MYO1B: variants seen among roughly 807,000 people sequenced by gnomAD.
MYO1B encodes the protein unconventional myosin-Ib.
In MYO1B, 72 loss-of-function variants were observed where a neutral mutation model predicts 159.7. That is an observed-to-expected ratio of 0.45 (90% CI 0.37 to 0.55). The LOEUF is 0.55. Ranked by LOEUF, MYO1B falls within the 20% of genes least tolerant of loss-of-function variation. The pLI is 0.00. For synonymous variants in MYO1B, 468 were observed against 473.8 expected (o/e 0.99, Z 0.16); for missense variants, 1,062 against 1,364.8 (o/e 0.78, Z 3.50).
chr2:191,390,346 G>T lies in MYO1B; in HGVS notation c.1836G>T (p.Val612=). ...KAAHIFNEAL[V]CHQIRYLGLL... ...CACACATCTTCAACGAGGCTCTAGT[G>T]TGTCATCAGATCAGGTACCTGGGGC... The change falls in exon 18 of 31, where the codon GTG becomes GTT. Residue 612 remains valine (V), a synonymous_variant. Coordinates refer to ENST00000392318, the MANE Select transcript of MYO1B (RefSeq NM_001130158.3). The T allele has an allele frequency of 6.2e-7, 1 of 1,614,280 alleles. No homozygotes were observed.
At chr2:191,253,875 A>C (rs1446303946) in intron 1 of MYO1B, among the ~76,000 whole-genome samples, 1 of 152,196 alleles carries the variant, frequency 6.6e-6, no homozygotes, top group Non-Finnish European at 1.5e-5. Context: ...TCCCATCCAC[A>C]AACCTCATAA....
chr2:191,263,833 T>C (rs1292095171), intron 1 of MYO1B: 2 of 152,186 alleles, frequency 1.3e-5, no homozygotes, highest in East Asian at 3.8e-4. Flanking sequence ...CTGTAGAATA[T>C]TTGGAAATTA....
chr2:191,246,835 C>T lies in MYO1B; in HGVS notation c.-10+1209C>T, dbSNP rs561969604. ...CACAATTGAAAAACCCTTTTACAGT[C>T]TGTCCCAGGAAACACACCACACACA... On this transcript the variant is annotated intron_variant, in intron 1 of 30. Coordinates refer to ENST00000392318, the MANE Select transcript of MYO1B (RefSeq NM_001130158.3). Among the ~76,000 whole-genome samples the T allele has an allele frequency of 1.9e-4, 29 of 152,330 alleles. No homozygotes were observed. In the South Asian group the frequency reaches 4.4e-3, roughly 23 times the overall value.
chr2:191,363,630 T>A, intron 9 of MYO1B, 98 bp from the exon 10 acceptor site: 1 of 1,428,978 alleles, frequency 7.0e-7, no homozygotes, highest in Non-Finnish European at 9.3e-7. Context: ...CTTTTATGGG[T>A]TTTTTTCCCC....
chr2:191,344,815 G>A (rs1692457522), intron 5 of MYO1B, among the ~76,000 whole-genome samples: 1 of 118,578 alleles, frequency 8.4e-6, no homozygotes, highest in South Asian at 3.1e-4. Context: ...GGGCGACAGA[G>A]CGAGACTCCG....
intron 30 of MYO1B, among the ~76,000 whole-genome samples, chr2:191,422,128 T>A (rs551015010): frequency 2.4e-4 from 36 of 152,292 alleles, no homozygotes; most frequent in African/African-American, 7.9e-4. Flanking sequence ...CTCACATCGC[T>A]GGGGGATGTC....
At chr2:191,402,412 ATTGTCCTTCTC>A in intron 23 of MYO1B, 1 of 552,666 alleles carries the variant, frequency 1.8e-6, no homozygotes, top group East Asian at 3.1e-5. Context: ...AACCACACAG[ATTGTCCTTCTC>A]TGGAACAGAA....
At chr2:191,286,320 T>C (rs996215761) in intron 2 of MYO1B, among the ~76,000 whole-genome samples, 3 of 151,778 alleles carry the variant, frequency 2.0e-5, no homozygotes, top group Non-Finnish European at 2.9e-5. Flanking sequence ...CCAAAGTGTT[T>C]GGTAGACCAT....
intron 27 of MYO1B, 112 bp from the exon 28 acceptor site, chr2:191,413,936 C>A: frequency 9.2e-7 from 1 of 1,091,154 alleles, no homozygotes; most frequent in Non-Finnish European, 1.3e-6. Context: ...AAATTGAAAT[C>A]AATTTTTATG....
chr2:191,344,861 ACACGAAAAAGCCACTCCACACAAAAT>A (rs1315483021), intron 5 of MYO1B, among the ~76,000 whole-genome samples: 4 of 151,672 alleles, frequency 2.6e-5, no homozygotes, highest in African/African-American at 9.7e-5. Context: ...AGAATCAAAA[ACACGAAAAAGCCACTCCACACAAAAT>A]ATAATGCATC....
intron 1 of MYO1B, among the ~76,000 whole-genome samples, chr2:191,258,683 A>G (rs1686607468): frequency 6.6e-6 from 1 of 152,164 alleles, no homozygotes; most frequent in African/African-American, 2.4e-5. Context: ...ACAGAGCTAC[A>G]TGATGTTGGC....
At chr2:191,251,461 C>T (rs986790512) in intron 1 of MYO1B, among the ~76,000 whole-genome samples, 2 of 152,160 alleles carry the variant, frequency 1.3e-5, no homozygotes, top group Admixed American at 1.3e-4. Context: ...CAGATAAGCA[C>T]CTGATAAGTT....
intron 5 of MYO1B, among the ~76,000 whole-genome samples, chr2:191,344,279 T>C (rs1692416188): frequency 6.6e-6 from 1 of 152,216 alleles, no homozygotes; most frequent in African/African-American, 2.4e-5. Flanking sequence ...GTTACATTCA[T>C]GAAAGCCTTT....
chr2:191,423,929 A>G lies in MYO1B; in HGVS notation c.3380A>G (p.Asn1127Ser), dbSNP rs1426571217. Residue 1127 changes from asparagine (N) to serine (S), a missense_variant, in exon 31 of 31, where the codon AAC becomes AGC. Around this residue, in one of 5 missense-constraint regions of MYO1B, gnomAD observed 609 missense variants for 744.4 expected, o/e 0.82. Transcript: ENST00000392318. ...AGTGTCCCAACATGTAAACGAAAAA[A>G]CAACCGTCTCCTTGAAGTTGCTGTC... is the stretch of plus-strand genomic sequence containing the variant. ...NGSVPTCKRK[N>S]NRLLEVAVP 6.2e-7 allele frequency: 1 copy of G among 1,613,998 alleles called. No homozygotes were observed. Among genetic ancestry groups the G allele is most frequent in the African/African-American group, 1.3e-5 (1 of 75,054 alleles).
chr2:191,326,764 G>GTATA lies in MYO1B; in HGVS notation c.252-3167_252-3164dup, dbSNP rs572543081. Among the ~76,000 whole-genome samples, 1,046 of 133,810 alleles carry GTATA rather than the reference G, an allele frequency of 7.8e-3. 18 individuals carry two copies. Among genetic ancestry groups the GTATA allele is most frequent in the African/African-American group, 0.028 (990 of 35,898 alleles). The allele number at this position is 133,810 out of a possible 152,430, so 87.8% of individuals were successfully genotyped here. A position where few individuals can be genotyped will look rare whatever the true frequency, so the allele number is the denominator to read the frequency against. ...GGTGATCTTCCAAAGCCTTGTGTTT[G>GTATA]TATATATGTGTGTGTGTGTGTGTGT... On this transcript the variant is annotated intron_variant, in intron 3 of 30. Coordinates refer to ENST00000392318, the MANE Select transcript of MYO1B (RefSeq NM_001130158.3).
chr2:191,416,031 G>A lies in MYO1B; in HGVS notation c.3160-84G>A, dbSNP rs1364018442. The A allele has an allele frequency of 5.7e-6, 8 of 1,400,400 alleles. No individual in the cohort carries two copies. In the African/African-American group the frequency reaches 5.8e-5, roughly 10 times the overall value. The allele number at this position is 1,400,400 out of a possible 1,614,324, so 86.7% of individuals were successfully genotyped here. ...CAGGATCTGATGTTTTAAAGAGACT[G>A]TAAGTATGTTTTTAGCCAAGCCTGT... On this transcript the variant is annotated intron_variant, in intron 29 of 30. Coordinates refer to ENST00000392318, the MANE Select transcript of MYO1B (RefSeq NM_001130158.3).
At chr2:191,408,951 C>T (rs1697093832) in intron 25 of MYO1B, 93 bp from the exon 26 acceptor site, 1 of 1,321,560 alleles carries the variant, frequency 7.6e-7, no homozygotes, top group Admixed American at 2.7e-5. Context: ...ATAAATTCTA[C>T]TATTGTCTCG....
At chr2:191,409,200 C>A (rs1697109643) in intron 26 of MYO1B, 22 bp downstream of exon 26, 1 of 1,592,694 alleles carries the variant, frequency 6.3e-7, no homozygotes, top group African/African-American at 1.4e-5. Flanking sequence ...CATATTACAT[C>A]TTTTCGGAGA....
At chr2:191,307,427 A>G (rs1446609799) in intron 3 of MYO1B, among the ~76,000 whole-genome samples, 2 of 152,008 alleles carry the variant, frequency 1.3e-5, no homozygotes, top group African/African-American at 4.8e-5. Context: ...CTTTACCGCA[A>G]CCTGTTTTAT....
Sources: gnomAD v4.1 joint callset for allele counts (sites outside exome capture counted in the v4.1 genomes callset) on GRCh38, gnomAD v4.1.1 for gene constraint, gnomAD v4.1.1 regional missense constraint, MANE v1.5 for transcripts, NCBI Gene and HGNC (gene_info 2026-07-23, HGNC 2026-07-21) for gene names.